ROBO2: variants seen among roughly 807,000 people sequenced by gnomAD.
ROBO2 encodes the protein roundabout guidance receptor 2.
Under a neutral mutation model 160.8 loss-of-function variants are expected in ROBO2, and 53 were observed. The observed-to-expected ratio is 0.33, with a 90% CI of 0.26 to 0.41. The LOEUF is 0.41. Ranked by LOEUF, ROBO2 falls within the 10% of genes least tolerant of loss-of-function variation. The pLI, the probability that ROBO2 is intolerant of heterozygous loss-of-function variation, is 1.00. For synonymous variants in ROBO2, 664 were observed against 611.7 expected (o/e 1.09, Z -1.26); for missense variants, 1,577 against 1,722.4 (o/e 0.92, Z 1.49).
chr3:77,557,289 T>G (rs1398704084), intron 8 of ROBO2, among the ~76,000 whole-genome samples: 2 of 152,008 alleles, frequency 1.3e-5, no homozygotes, highest in African/African-American at 4.8e-5. Context: ...AAATATAATC[T>G]AGATGACTTT....
At chr3:77,000,370 G>A (rs2061274352) in intron 2 of ROBO2, among the ~76,000 whole-genome samples, 1 of 152,130 alleles carries the variant, frequency 6.6e-6, no homozygotes, top group Non-Finnish European at 1.5e-5. Context: ...TGCCTCCAGA[G>A]CTTCCCCTTT....
intron 2 of ROBO2, among the ~76,000 whole-genome samples, chr3:76,205,471 C>G: frequency 6.6e-6 from 1 of 152,116 alleles, no homozygotes; most frequent in Non-Finnish European, 1.5e-5. Context: ...TTCTAGACCT[C>G]TAGGCTGCCA....
chr3:76,968,886 T>C (rs1191410245), intron 2 of ROBO2, among the ~76,000 whole-genome samples: 3 of 152,136 alleles, frequency 2.0e-5, no homozygotes, highest in Non-Finnish European at 2.9e-5. Flanking sequence ...TTTTCAAGAG[T>C]TGGTATTTCC....
At chr3:76,838,320 C>T (rs1456990961) in intron 2 of ROBO2, among the ~76,000 whole-genome samples, 1 of 151,938 alleles carries the variant, frequency 6.6e-6, no homozygotes, top group Non-Finnish European at 1.5e-5. Context: ...ATCAGTATAA[C>T]GAACCCACAG....
chr3:77,434,149 C>A (rs1192772992), intron 2 of ROBO2, among the ~76,000 whole-genome samples: 1 of 152,090 alleles, frequency 6.6e-6, no homozygotes, highest in Non-Finnish European at 1.5e-5. Context: ...CTTCACAGCT[C>A]TCTTCTTGGC....
intron 2 of ROBO2, among the ~76,000 whole-genome samples, chr3:77,451,543 G>T (rs1021277387): frequency 2.6e-5 from 4 of 152,036 alleles, no homozygotes; most frequent in African/African-American, 9.7e-5. Flanking sequence ...CTAGCTCAGT[G>T]CTTGCCCAAA....
intron 2 of ROBO2, among the ~76,000 whole-genome samples, chr3:76,543,261 A>G (rs892299212): frequency 3.3e-5 from 5 of 152,160 alleles, no homozygotes; most frequent in Non-Finnish European, 7.4e-5. Context: ...GTGTTAACCC[A>G]CAATGTGACT....
chr3:76,372,847 C>G (rs143458448), intron 2 of ROBO2, among the ~76,000 whole-genome samples: 1 of 151,904 alleles, frequency 6.6e-6, no homozygotes. Context: ...CTTCCCCAGC[C>G]TCACCAAACA....
intron 6 of ROBO2, chr3:77,538,774 A>T (rs1345384847): frequency 2.6e-6 from 1 of 380,878 alleles, no homozygotes; most frequent in Non-Finnish European, 5.2e-6. Flanking sequence ...ATTAGAACCC[A>T]AACTGAGTTG....
At chr3:77,018,938 T>C (rs1317138748) in intron 2 of ROBO2, among the ~76,000 whole-genome samples, 1 of 152,126 alleles carries the variant, frequency 6.6e-6, no homozygotes, top group Non-Finnish European at 1.5e-5. Flanking sequence ...AGAGTTGATT[T>C]CACTGCTCTG....
Position 77,290,001 on chromosome 3 carries a change from G to C in ROBO2, c.389-187413G>C, listed in dbSNP as rs555230544. Among the ~76,000 whole-genome samples the C allele has an allele frequency of 2.6e-5, 4 of 151,370 alleles. No homozygotes were observed. The East Asian group carries it at 7.9e-4, about 30-fold the overall frequency. ...TTGATGGTTAAACGGGTAAACTGAG[G>C]CTAGATCCCTAAAGACATAAAGTAA... On this transcript the variant is annotated intron_variant, in intron 2 of 25. Coordinates refer to ENST00000461745, the Ensembl canonical transcript of ROBO2.
intron 2 of ROBO2, among the ~76,000 whole-genome samples, chr3:76,182,655 T>A (rs1403325988): frequency 6.6e-6 from 1 of 152,118 alleles, no homozygotes. Flanking sequence ...AATCTCTGCT[T>A]ATCACTCCGC....
intron 2 of ROBO2, among the ~76,000 whole-genome samples, chr3:76,015,665 C>A (rs918734292): frequency 2.0e-5 from 3 of 152,152 alleles, no homozygotes; most frequent in Non-Finnish European, 4.4e-5. Context: ...GGCCAGATGG[C>A]GCACACAATC....
chr3:76,187,373 C>T (rs1701814094), intron 2 of ROBO2, among the ~76,000 whole-genome samples: 1 of 152,094 alleles, frequency 6.6e-6, no homozygotes, highest in South Asian at 2.1e-4. Context: ...CTCCCAGGCT[C>T]AAGGAATCTT....
chr3:77,390,231 T>C lies in ROBO2; in HGVS notation c.389-87183T>C, dbSNP rs146517722. Among the ~76,000 whole-genome samples the C allele has an allele frequency of 1.3e-3, 192 of 152,236 alleles. 4 individuals carry two copies. In the East Asian group the frequency reaches 0.034, roughly 27 times the overall value. On this transcript the variant is annotated intron_variant, in intron 2 of 25. Transcript: ENST00000461745. Reference sequence around the variant, plus strand: ...CTCGACCTGTAGGTAACCTGTAAATTGGTTACTCTCCTCCTGGAAAATCTA... The same window carrying C: ...CTCGACCTGTAGGTAACCTGTAAATCGGTTACTCTCCTCCTGGAAAATCTA...
rs545553022 is a variant in ROBO2, at chr3:76,162,344, C to G, written c.109+224742C>G. 5.9e-5 allele frequency among the ~76,000 whole-genome samples: 9 copies of G among 152,246 alleles called. No homozygotes were observed. In the South Asian group the frequency reaches 1.7e-3, roughly 28 times the overall value. ...TATTTTTAGGAGACAGGGTCTTGCT[C>G]TGTCACTCAGGCTGGAGTTCAGTGG... On this transcript the variant is annotated intron_variant, in intron 2 of 26. Coordinates refer to the ROBO2 transcript ENST00000487694.
intron 2 of ROBO2, among the ~76,000 whole-genome samples, chr3:76,400,368 G>A (rs1442096700): frequency 6.6e-6 from 1 of 151,522 alleles, no homozygotes; most frequent in African/African-American, 2.4e-5. Context: ...AAAGGGGATA[G>A]CAACATCTAG....
At chr3:76,789,543 C>T (rs986427635) in intron 2 of ROBO2, among the ~76,000 whole-genome samples, 2 of 151,556 alleles carry the variant, frequency 1.3e-5, no homozygotes, top group East Asian at 2.0e-4. Context: ...TTCTGTTCCC[C>T]TTCCTATTGT....
At chr3:77,131,965 T>G (rs2150357680) in intron 2 of ROBO2, among the ~76,000 whole-genome samples, 1 of 152,268 alleles carries the variant, frequency 6.6e-6, no homozygotes, top group East Asian at 1.9e-4. Flanking sequence ...ATAGTGTCAT[T>G]AAAATAGGGA....
Sources: allele counts gnomAD v4.1 joint callset (sites outside exome capture counted in the v4.1 genomes callset), GRCh38; gene constraint gnomAD v4.1.1; transcripts MANE v1.5; gene names NCBI Gene and HGNC (gene_info 2026-07-23, HGNC 2026-07-21).